The following DRP2 variants were observed in gnomAD, a reference collection of about 807,000 sequenced individuals.
The protein encoded by DRP2 is dystrophin-related protein 2.
In DRP2, 29 loss-of-function variants were observed where a neutral mutation model predicts 78.2. That is an observed-to-expected ratio of 0.37 (90% CI 0.28 to 0.51). The LOEUF is 0.51. Among genes scored for constraint, DRP2 ranks in the 20% least tolerant of loss-of-function variants. DRP2 has a pLI of 0.94. For missense variants in DRP2, 686 were observed against 770.6 expected, an observed-to-expected ratio of 0.89 and a Z score of 1.30; for synonymous variants, 290 against 281.9, an observed-to-expected ratio of 1.03 and a Z score of -0.29.
At chrX:101,249,005 A>G (rs1174924321) in intron 14 of DRP2, among the ~76,000 whole-genome samples, 1 of 112,052 alleles carries the variant, frequency 8.9e-6, no homozygotes, top group East Asian at 2.8e-4. Flanking sequence ...GGGCACAATA[A>G]TACCCAATAT....
chrX:101,254,997 G>T (rs1295559256), intron 19 of DRP2, 73 bp downstream of exon 19: 1 of 1,173,951 alleles, frequency 8.5e-7, no homozygotes, highest in African/African-American at 1.8e-5. Flanking sequence ...TTCAGTCGGG[G>T]CAAGGAGAAT....
At chrX:101,249,565 C>G (rs1923055692) in intron 14 of DRP2, among the ~76,000 whole-genome samples, 1 of 111,016 alleles carries the variant, frequency 9.0e-6, no homozygotes, top group African/African-American at 3.3e-5. Context: ...CAAGTCCAGC[C>G]TAGACAATAT....
At chrX:101,254,332 C>G in intron 17 of DRP2, 93 bp from the exon 18 acceptor site, 1 of 1,100,711 alleles carries the variant, frequency 9.1e-7, no homozygotes, top group South Asian at 2.0e-5. Context: ...AGTGGATTAC[C>G]CAGCAGGCTG....
At chrX:101,259,303 G>C (rs769031416) in intron 22 of DRP2, among the ~76,000 whole-genome samples, 2 of 111,329 alleles carry the variant, frequency 1.8e-5, no homozygotes, top group African/African-American at 6.5e-5. Context: ...CCACTCTTCT[G>C]CCTCTTCCCC....
chrX:101,222,956 T>G (rs960426406), intron 1 of DRP2, among the ~76,000 whole-genome samples: 18 of 112,551 alleles, frequency 1.6e-4, no homozygotes, highest in Middle Eastern at 4.6e-3. Context: ...GCTTTATATG[T>G]TTTAAAAGTT....
rs151085921 is a variant in DRP2, at chrX:101,239,066, T to G, written c.524T>G (p.Phe175Cys). The change falls in exon 6 of 24, where the codon TTT (phenylalanine) becomes TGT (cysteine). Residue 175 changes from phenylalanine (F) to cysteine (C), a missense_variant. Phe to Cys is a radical substitution (Grantham distance 205). This residue lies in a region of DRP2 where 263 missense variants were observed against 239.1 expected (regional missense o/e 1.10). Coordinates refer to ENST00000395209, the MANE Select transcript of DRP2 (RefSeq NM_001939.3). ...SAQAFLSQHP[F>C]EELEEPHSES... ...CAGGCCTTCCTGTCCCAGCACCCAT[T>G]TGAGGAGTTAGAGGAGCCTCATTCT... 9.3e-4 allele frequency: 1,122 copies of G among 1,209,101 alleles called. 12 individuals are homozygous for G. The African/African-American group carries it at 0.017, about 19-fold the overall frequency.
rs1453963506 is a variant in DRP2 at position 101,245,130 on chromosome X, T to C, written c.1115+53T>C. ...GTCAGTCACCTGCCCACCCCCTCCC[T>C]CTCCTGCCTTTTTGCTACCTGTCCT... On this transcript the variant is annotated intron_variant, in intron 10 of 23. Coordinates refer to ENST00000395209, the MANE Select transcript of DRP2 (RefSeq NM_001939.3). 4.5e-6 allele frequency: 5 copies of C among 1,109,489 alleles called. No individual in the cohort carries two copies. The African/African-American group carries it at 9.2e-5, about 20-fold the overall frequency. The allele number at this position is 1,109,489 out of a possible 1,213,427, so 91.4% of individuals were successfully genotyped here. A position where few individuals can be genotyped will look rare whatever the true frequency, so the allele number is the denominator to read the frequency against.
At position 101,231,755 on chromosome X, in the gene DRP2, C is replaced by A; in HGVS notation, c.108C>A (p.Pro36=). ...HHSSSLRSTC[P]HPQVRAAVTS... ...GCAGCAGCCTCCGAAGCACCTGCCC[C>A]CACCCTCAGGTAAGAGTCTGATAGT... Residue 36 remains proline, a synonymous_variant, in exon 3 of 24, where the codon CCC becomes CCA. Transcript: ENST00000395209. 1 of 1,205,644 alleles carries A rather than the reference C, an allele frequency of 8.3e-7. No homozygotes were observed. The highest frequency in any genetic ancestry group is 1.1e-6 in the Non-Finnish European group (1 of 891,045).
intron 17 of DRP2, among the ~76,000 whole-genome samples, chrX:101,253,786 A>G (rs190983695): frequency 1.8e-5 from 2 of 110,013 alleles, no homozygotes; most frequent in East Asian, 2.8e-4. Flanking sequence ...AACAGGGACC[A>G]TGCCCTTTAC....
At position 101,241,677 on chromosome X, in the gene DRP2, C is replaced by G. The variant is rs778011942; in HGVS notation, c.569C>G (p.Pro190Arg). Reference protein sequence around the residue: ...EPHSESKDTSPKQRIQNLSRF... With the variant: ...EPHSESKDTSRKQRIQNLSRF... ...CTGCCTCCTCTTGCAGATACCTCCC[C>G]GAAACAGCGGATCCAGAATCTCAGC... Residue 190 changes from proline (P) to arginine (R), a missense_variant, in exon 7 of 24, where the codon CCG becomes CGG. By Grantham distance (103) the Pro-to-Arg change is moderately radical. Coordinates refer to ENST00000395209, the MANE Select transcript of DRP2 (RefSeq NM_001939.3). 2 of 1,210,996 alleles carry G rather than the reference C, an allele frequency of 1.7e-6. No homozygotes were observed. Among genetic ancestry groups the G allele is most frequent in the Non-Finnish European group, 2.2e-6 (2 of 895,050 alleles).
rs762008221 is a variant in DRP2 at position 101,231,768 on chromosome X, A to T, written c.117+4A>T. The stretch of plus-strand genomic sequence containing the variant: ...AAGCACCTGCCCCCACCCTCAGGTA[A>T]GAGTCTGATAGTGAAAGAAAGACCT... On this transcript the variant is annotated splice_donor_region_variant and intron_variant, in intron 3 of 23. Transcript: ENST00000395209. 8.4e-7 allele frequency: 1 copy of T among 1,188,241 alleles called. No homozygotes were observed. Among genetic ancestry groups the T allele is most frequent in the East Asian group, 3.0e-5 (1 of 33,640 alleles).
At chrX:101,249,251 A>G (rs1923045110) in intron 14 of DRP2, among the ~76,000 whole-genome samples, 1 of 112,193 alleles carries the variant, frequency 8.9e-6, no homozygotes, top group Non-Finnish European at 1.9e-5. Context: ...AGTACACAGA[A>G]AGCATTTTTT....
In DRP2 at chrX:101,242,374, A is replaced by G; in HGVS notation, c.878A>G (p.Asn293Ser). 2 of 1,211,743 alleles carry G rather than the reference A, an allele frequency of 1.7e-6. No individual in the cohort carries two copies. Among genetic ancestry groups the G allele is most frequent in the Non-Finnish European group, 2.2e-6 (2 of 895,450 alleles). Residue 293 changes from asparagine (N) to serine (S), a missense_variant, in exon 8 of 24, where the codon AAT (asparagine) becomes AGT (serine). Transcript: ENST00000395209. ...SPMKDGVKLVNDLAHQLAISD... is the reference protein window; with the variant it reads ...SPMKDGVKLVSDLAHQLAISD... ...ATGAAAGATGGAGTAAAGTTGGTGA[A>G]TGATCTGGCCCACCAACTTGCCATT...
chrX:101,255,485 C>T (rs1020075602), intron 20 of DRP2, among the ~76,000 whole-genome samples: 1 of 111,546 alleles, frequency 9.0e-6, no homozygotes, highest in African/African-American at 3.3e-5. Flanking sequence ...CTTTCCAAGT[C>T]CCTTCCTGTT....
chrX:101,236,009 G>A lies in DRP2; in HGVS notation c.267G>A (p.Lys89=), dbSNP rs1311418746. Residue 89 remains lysine, a synonymous_variant, in exon 4 of 24, where the codon AAG becomes AAA. Transcript: ENST00000395209. ...TGTGTTGGAATGAAATAAAAAAGAA[G>A]TCTCACAACCTCCGGTAAGAAACAG... ...MNLCWNEIKK[K]SHNLRARLEA... 1 of 1,211,756 alleles carries A rather than the reference G, an allele frequency of 8.3e-7. No homozygotes were observed. The highest frequency in any genetic ancestry group is 1.1e-6 in the Non-Finnish European group (1 of 895,513).
intron 23 of DRP2, 145 bp from the exon 24 acceptor site, chrX:101,260,352 G>A: frequency 1.1e-6 from 1 of 946,198 alleles, no homozygotes; most frequent in Non-Finnish European, 1.5e-6. Context: ...TATACATTGA[G>A]CACAACCTAT....
chrX:101,228,295 T>C (rs1922189574), intron 2 of DRP2, among the ~76,000 whole-genome samples: 1 of 112,753 alleles, frequency 8.9e-6, no homozygotes, highest in African/African-American at 3.2e-5. Flanking sequence ...TAAACATATG[T>C]CTAATTGTTA....
chrX:101,225,467 GTTAC>G (rs1359092314), intron 2 of DRP2, among the ~76,000 whole-genome samples: 1 of 111,627 alleles, frequency 9.0e-6, no homozygotes, highest in African/African-American at 3.3e-5. Flanking sequence ...CTCTGAACAA[GTTAC>G]TTACCATCTC....
chrX:101,250,045 C>T (rs1468169040), intron 14 of DRP2, among the ~76,000 whole-genome samples: 2 of 111,188 alleles, frequency 1.8e-5, no homozygotes, highest in Non-Finnish European at 3.8e-5. Flanking sequence ...CCCCTGAGCC[C>T]GTACCCCATC....
Sources: gnomAD v4.1 joint callset for allele counts (sites outside exome capture counted in the v4.1 genomes callset) on GRCh38, gnomAD v4.1.1 for gene constraint, gnomAD v4.1.1 regional missense constraint, MANE v1.5 for transcripts, NCBI Gene and HGNC (gene_info 2026-07-23, HGNC 2026-07-21) for gene names.